Variants in RREB1 observed in about 807,000 individuals in gnomAD.
RREB1 encodes the protein ras responsive element binding protein 1, also known as ras-responsive element-binding protein 1.
RREB1 carries 27 observed loss-of-function variants against 117.8 expected under a neutral mutation model. The observed-to-expected ratio is 0.23, with a 90% CI of 0.17 to 0.32. RREB1 has a LOEUF of 0.32. Among genes scored for constraint, RREB1 ranks in the 10% least tolerant of loss-of-function variants. The pLI, the probability that RREB1 is intolerant of heterozygous loss-of-function variation, is 1.00. For missense variants in RREB1, 2,577 were observed against 2,378.2 expected, an observed-to-expected ratio of 1.08 and a Z score of -1.74; for synonymous variants, 1,298 against 1,026.7, an observed-to-expected ratio of 1.26 and a Z score of -5.05.
chr6:7,218,452 A>G (rs1767037245), intron 8 of RREB1: 1 of 152,154 alleles, frequency 6.6e-6, no homozygotes, highest in African/African-American at 2.4e-5. Flanking sequence ...TGGGGGAGCT[A>G]ATCCCAAAAC....
At chr6:7,111,253 T>C (rs1761131013) in intron 1 of RREB1, among the ~76,000 whole-genome samples, 1 of 152,244 alleles carries the variant, frequency 6.6e-6, no homozygotes, top group Non-Finnish European at 1.5e-5. Context: ...ATTCCACTTC[T>C]GAGGTCAGTT....
intron 1 of RREB1, among the ~76,000 whole-genome samples, chr6:7,108,316 T>TTCCTCCTCCTCCTCCTCC (rs143321297): frequency 1.8e-4 from 27 of 148,164 alleles, no homozygotes; most frequent in Admixed American, 4.7e-4. Flanking sequence ...CGCCGGGCCA[T>TTCCTCCTCCTCCTCCTCC]TCCTCCTCCT....
rs1415744557 is a variant in RREB1 at position 7,230,379 on chromosome 6, G to A, written c.2280G>A (p.Glu760=). Reference sequence around the variant, plus strand: ...ACACCGTGTGCCGGCTGTGCGGCGAGGACCTCAAGCACTATCGTGCCCTGC... The same window carrying A: ...ACACCGTGTGCCGGCTGTGCGGCGAAGACCTCAAGCACTATCGTGCCCTGC... ...APDTVCRLCG[E]DLKHYRALRI... Residue 760 remains glutamate (E), a synonymous_variant, in exon 10 of 13, where the codon GAG becomes GAA. Coordinates refer to ENST00000379938, the MANE Select transcript of RREB1 (RefSeq NM_001003699.4). The A allele has an allele frequency of 6.3e-7, 1 of 1,592,640 alleles. No individual in the cohort carries two copies. Among genetic ancestry groups the A allele is most frequent in the Non-Finnish European group, 8.5e-7 (1 of 1,174,378 alleles).
intron 6 of RREB1, among the ~76,000 whole-genome samples, chr6:7,208,000 C>A (rs975396633): frequency 6.6e-6 from 1 of 152,170 alleles, no homozygotes; most frequent in Non-Finnish European, 1.5e-5. Flanking sequence ...CTCCAGTCTG[C>A]TGTGGAGAGG....
chr6:7,230,430 C>T lies in RREB1; in HGVS notation c.2331C>T (p.Gly777=), dbSNP rs751678113. Residue 777 remains glycine, a synonymous_variant, in exon 10 of 13, where the codon GGC becomes GGT. Transcript: ENST00000379938. ...ALRIHMRTHC[G]RGLGGGHKGR... ...GCATCCACATGCGCACGCACTGCGG[C>T]CGCGGCCTGGGCGGGGGCCACAAGG... 16 of 1,591,026 alleles carry T rather than the reference C, an allele frequency of 1.0e-5. No homozygotes were observed. In the South Asian group the frequency reaches 1.2e-4, roughly 12 times the overall value.
intron 3 of RREB1, 176 bp from the exon 4 acceptor site, chr6:7,181,694 T>C (rs1186724339): frequency 4.7e-6 from 3 of 637,702 alleles, no homozygotes; most frequent in Non-Finnish European, 8.3e-6. Context: ...ATGCCAAGAC[T>C]TGGTTTAAAT....
intron 1 of RREB1, among the ~76,000 whole-genome samples, chr6:7,146,181 T>G (rs535441342): frequency 6.6e-6 from 1 of 152,156 alleles, no homozygotes; most frequent in Admixed American, 6.5e-5. Context: ...TAAAACACTT[T>G]GTGGAGCCTG....
At chr6:7,117,973 A>C (rs1349471936) in intron 1 of RREB1, among the ~76,000 whole-genome samples, 1 of 152,232 alleles carries the variant, frequency 6.6e-6, no homozygotes, top group Non-Finnish European at 1.5e-5. Flanking sequence ...GTTGATTAAA[A>C]ATATATTACT....
rs537346359 is a variant in RREB1, at chr6:7,171,374, T to C, written c.-284-5281T>C. On this transcript the variant is annotated intron_variant, in intron 1 of 12. Transcript: ENST00000379938. ...AATGGAAAGCCAGGTGCAGAGCATC[T>C]GGAAGGGCAGCAGTGATGCAGAGCG... Among the ~76,000 whole-genome samples, 6 of 152,254 alleles carry C rather than the reference T, an allele frequency of 3.9e-5. No homozygotes were observed. The South Asian group carries it at 1.2e-3, about 32-fold the overall frequency.
At chr6:7,232,915 G>GAA (rs1768091065) in intron 10 of RREB1, among the ~76,000 whole-genome samples, 3 of 151,630 alleles carry the variant, frequency 2.0e-5, no homozygotes, top group African/African-American at 7.3e-5. Flanking sequence ...CTTTTTTTGA[G>GAA]ACGGAGTCTC....
Position 7,249,062 on chromosome 6 carries a change from TGAGAGAGAGAGAGAGAGAGAGAGA to T in RREB1, c.*113_*136del, listed in dbSNP as rs4053178. On this transcript the variant is annotated 3_prime_UTR_variant, in exon 13 of 13. Transcript: ENST00000379938. ...TCAGTGCCCTTTGGCTGTTGAGGAG[TGAGAGAGAGAGAGAGAGAGAGAGA>T]GAGAGAGAGAGAGAGAGACAAGCAG... is the stretch of plus-strand genomic sequence containing the variant. 1.6e-5 allele frequency: 9 copies of T among 568,232 alleles called. No individual in the cohort carries two copies. The highest frequency in any genetic ancestry group is 3.1e-5 in the East Asian group (1 of 32,714). The allele number at this position is 568,232 out of a possible 1,614,324, so 35.2% of individuals were successfully genotyped here.
At chr6:7,113,581 G>T (rs1396057001) in intron 1 of RREB1, among the ~76,000 whole-genome samples, 2 of 152,052 alleles carry the variant, frequency 1.3e-5, no homozygotes, top group Non-Finnish European at 2.9e-5. Context: ...TGGTCCACCC[G>T]GGGGCTGTTA....
chr6:7,237,624 C>T (rs1768421141), intron 10 of RREB1, among the ~76,000 whole-genome samples: 1 of 152,110 alleles, frequency 6.6e-6, no homozygotes, highest in Non-Finnish European at 1.5e-5. Context: ...TTTACAAATC[C>T]CCTTCTAAAG....
chr6:7,180,841 G>T (rs1175107668), intron 2 of RREB1, among the ~76,000 whole-genome samples: 3 of 152,180 alleles, frequency 2.0e-5, no homozygotes, highest in Non-Finnish European at 4.4e-5. Context: ...AAGAGAATTT[G>T]ATGCATGGGT....
intron 1 of RREB1, among the ~76,000 whole-genome samples, chr6:7,153,113 T>G (rs1259081000): frequency 6.6e-6 from 1 of 151,514 alleles, no homozygotes; most frequent in Admixed American, 6.6e-5. Context: ...GGGTTTTTTT[T>G]TTTTTTTTTT....
intron 1 of RREB1, among the ~76,000 whole-genome samples, chr6:7,115,297 G>A (rs745621205): frequency 2.6e-5 from 4 of 152,024 alleles, no homozygotes; most frequent in Non-Finnish European, 5.9e-5. Context: ...GTCTAATATA[G>A]TGTCAGGAGT....
chr6:7,125,882 T>G (rs1488548945), intron 1 of RREB1, among the ~76,000 whole-genome samples: 1 of 152,162 alleles, frequency 6.6e-6, no homozygotes, highest in Non-Finnish European at 1.5e-5. Flanking sequence ...GCCTTGCTCC[T>G]TTGTGAGGGC....
rs1446232154 is a variant in RREB1 at position 7,143,847 on chromosome 6, CTTTCT to C, written c.-284-32804_-284-32800del. Among the ~76,000 whole-genome samples the C allele has an allele frequency of 2.2e-3, 209 of 97,158 alleles. 2 individuals carry two copies. Among genetic ancestry groups the C allele is most frequent in the Middle Eastern group, 4.6e-3 (1 of 216 alleles). 63.7% of individuals were successfully genotyped at this position (97,158 alleles called of 152,430 possible). ...GTGTGCATCACTGCAGCCTTTTTTT[CTTTCT>C]TTTTTTTTTTTTTTTTTTGCATAGG... On this transcript the variant is annotated intron_variant, in intron 1 of 12. Coordinates refer to ENST00000379938, the MANE Select transcript of RREB1 (RefSeq NM_001003699.4).
At chr6:7,171,121 A>T (rs1337345368) in intron 1 of RREB1, among the ~76,000 whole-genome samples, 3 of 152,228 alleles carry the variant, frequency 2.0e-5, no homozygotes, top group Non-Finnish European at 2.9e-5. Flanking sequence ...TAGACTGTTC[A>T]GGATTCAGGC....
Sources: allele counts gnomAD v4.1 joint callset (sites outside exome capture counted in the v4.1 genomes callset), GRCh38; gene constraint gnomAD v4.1.1; transcripts MANE v1.5; gene names NCBI Gene and HGNC (gene_info 2026-07-23, HGNC 2026-07-21).